The following TRAF3IP2 variants were observed in gnomAD, a reference collection of about 807,000 sequenced individuals.
TRAF3IP2 encodes E3 ubiquitin ligase TRAF3IP2.
Under a neutral mutation model 57.9 loss-of-function variants are expected in TRAF3IP2, and 35 were observed. That is an observed-to-expected ratio of 0.60 (90% CI 0.46 to 0.80). TRAF3IP2 has a LOEUF of 0.80. TRAF3IP2 is among the 30% of genes least tolerant of loss of function. The probability of loss-of-function intolerance (pLI) is 0.00; values close to 1 mark genes in which losing one functional copy is unlikely to be tolerated. For missense variants in TRAF3IP2, 556 were observed against 706.4 expected (o/e 0.79, Z 2.41); for synonymous variants, 251 against 268.9 (o/e 0.93, Z 0.65).
intron 2 of TRAF3IP2, among the ~76,000 whole-genome samples, chr6:111,587,638 C>T (rs1248594940): frequency 6.8e-6 from 1 of 146,486 alleles, no homozygotes; most frequent in African/African-American, 2.5e-5. Flanking sequence ...TGCTCCCCTC[C>T]CCACCAAGAT....
intron 7 of TRAF3IP2, among the ~76,000 whole-genome samples, chr6:111,563,837 C>T (rs1215825228): frequency 1.3e-5 from 2 of 152,164 alleles, no homozygotes; most frequent in Admixed American, 1.3e-4. Context: ...AGGTTCCTCA[C>T]ACCAGTTCCA....
At chr6:111,604,137 CA>C (rs950343655) in intron 1 of TRAF3IP2, among the ~76,000 whole-genome samples, 1 of 152,150 alleles carries the variant, frequency 6.6e-6, no homozygotes, top group African/African-American at 2.4e-5. Flanking sequence ...CCACAGAAAC[CA>C]AAAGTCCTGC....
chr6:111,605,581 A>C (rs1796995169), intron 1 of TRAF3IP2, among the ~76,000 whole-genome samples, 195 bp downstream of exon 1: 1 of 152,192 alleles, frequency 6.6e-6, no homozygotes, highest in Non-Finnish European at 1.5e-5. Context: ...TACTAGCAAC[A>C]CATCCTTGCA....
chr6:111,580,322 C>A lies in TRAF3IP2; in HGVS notation c.897G>T (p.Leu299=). 2 of 1,606,928 alleles carry A rather than the reference C, an allele frequency of 1.2e-6. No individual in the cohort carries two copies. Among genetic ancestry groups the A allele is most frequent in the Non-Finnish European group, 1.7e-6 (2 of 1,177,934 alleles). Residue 299 remains leucine, a synonymous_variant, in exon 3 of 9, where the codon CTG becomes CTT. Coordinates refer to ENST00000368761, the MANE Select transcript of TRAF3IP2 (RefSeq NM_147686.4). ...GCAGGCCTCTCACACTGGCTCCAGG[C>A]AGGGGCTGCCCAGGCAGAGCCGGCT... is the stretch of plus-strand genomic sequence containing the variant. The part of the protein sequence containing the change: ...VIQPALPGQP[L]PGASVRGLHP...
At position 111,559,401 on chromosome 6, in the gene TRAF3IP2, G is replaced by C; in HGVS notation, c.*4C>G. ...TGGCCTCAGTGATCTGGGGATGAAC[G>C]GTGTCACAAGGGAACCACCTGAAGG... is the stretch of plus-strand genomic sequence containing the variant. On this transcript the variant is annotated 3_prime_UTR_variant, in exon 9 of 9. Coordinates refer to ENST00000368761, the MANE Select transcript of TRAF3IP2 (RefSeq NM_147686.4). The C allele has an allele frequency of 6.2e-7, 1 of 1,612,754 alleles. No individual in the cohort carries two copies. The highest frequency in any genetic ancestry group is 2.2e-5 in the East Asian group (1 of 44,888).
chr6:111,572,272 A>G (rs1795854936), intron 5 of TRAF3IP2, among the ~76,000 whole-genome samples: 1 of 152,048 alleles, frequency 6.6e-6, no homozygotes, highest in Non-Finnish European at 1.5e-5. Context: ...GTTTCCTGAG[A>G]TTTCTGGAGC....
intron 1 of TRAF3IP2, among the ~76,000 whole-genome samples, chr6:111,596,718 T>A (rs925241612): frequency 6.6e-5 from 10 of 152,292 alleles, no homozygotes; most frequent in African/African-American, 2.4e-4. Flanking sequence ...CCTCCCAAAG[T>A]GCTGGGATTA....
At chr6:111,602,283 G>GAA (rs1013383455) in intron 1 of TRAF3IP2, 7 of 151,674 alleles carry the variant, frequency 4.6e-5, no homozygotes, top group Admixed American at 1.3e-4. Flanking sequence ...AACATTTAGA[G>GAA]AACAACCTCA....
intron 4 of TRAF3IP2, chr6:111,573,930 G>C (rs1166348835): frequency 6.6e-6 from 1 of 152,180 alleles, no homozygotes; most frequent in Non-Finnish European, 1.5e-5. Context: ...CTCCCAAATG[G>C]AAGTGTGTAT....
intron 2 of TRAF3IP2, among the ~76,000 whole-genome samples, chr6:111,589,276 CT>C (rs1796433517): frequency 1.3e-5 from 2 of 152,046 alleles, no homozygotes; most frequent in Admixed American, 1.3e-4. Flanking sequence ...GTTGGCCAGG[CT>C]AGTCTCAAAC....
At chr6:111,585,891 A>G (rs1307585635) in intron 2 of TRAF3IP2, among the ~76,000 whole-genome samples, 1 of 152,244 alleles carries the variant, frequency 6.6e-6, no homozygotes, top group Non-Finnish European at 1.5e-5. Flanking sequence ...TGGCCTGAGT[A>G]CACACGATCT....
At chr6:111,571,370 G>A (rs1376399421) in intron 5 of TRAF3IP2, among the ~76,000 whole-genome samples, 12 of 152,000 alleles carry the variant, frequency 7.9e-5, no homozygotes, top group Non-Finnish European at 1.3e-4. Context: ...GAGCCACTGC[G>A]CCTGGCCATA....
intron 6 of TRAF3IP2, 104 bp from the exon 7 acceptor site, chr6:111,566,664 A>C (rs1400665692): frequency 1.0e-6 from 1 of 995,628 alleles, no homozygotes; most frequent in South Asian, 1.3e-5. Flanking sequence ...CTCCATAGAA[A>C]GAGAAGCACT....
intron 1 of TRAF3IP2, among the ~76,000 whole-genome samples, chr6:111,603,083 T>TGC (rs1383986081): frequency 1.9e-5 from 2 of 103,830 alleles, no homozygotes; most frequent in African/African-American, 6.7e-5. Flanking sequence ...ACACAAGGTG[T>TGC]GCACACACAC....
intron 5 of TRAF3IP2, among the ~76,000 whole-genome samples, chr6:111,571,979 A>G (rs1011940858): frequency 5.9e-5 from 9 of 152,150 alleles, no homozygotes; most frequent in African/African-American, 1.9e-4. Flanking sequence ...CTGTTAAACA[A>G]TACTAAATAA....
At chr6:111,567,409 G>T in intron 6 of TRAF3IP2, 1 of 1,304,040 alleles carries the variant, frequency 7.7e-7, no homozygotes, top group Non-Finnish European at 9.7e-7. Flanking sequence ...ACCTGTGTCT[G>T]GTTTGACCGT....
In TRAF3IP2 at chr6:111,591,916, G is replaced by A. The variant is rs144366791; in HGVS notation, c.171C>T (p.Ser57=). The A allele has an allele frequency of 3.4e-5, 55 of 1,614,116 alleles. No individual in the cohort carries two copies. The highest frequency in any genetic ancestry group is 8.3e-5 in the Admixed American group (5 of 60,010). ...TTGAGTGAGCTTGAGAAAAGTCTCCGGAGGAATTGTGAAGCATTGTGGGTG... is the reference window on the plus strand; with the variant it reads ...TTGAGTGAGCTTGAGAAAAGTCTCCAGAGGAATTGTGAAGCATTGTGGGTG... ...LSAPTMLHNS[S]GDFSQAHSTL... Residue 57 remains serine, a synonymous_variant, in exon 2 of 9, where the codon TCC becomes TCT. Coordinates refer to ENST00000368761, the MANE Select transcript of TRAF3IP2 (RefSeq NM_147686.4). The surrounding 1 kb of genome is among the most constrained non-coding windows in gnomAD (Gnocchi z 4.9).
At chr6:111,590,003 T>C (rs1291499805) in intron 2 of TRAF3IP2, among the ~76,000 whole-genome samples, 3 of 152,212 alleles carry the variant, frequency 2.0e-5, no homozygotes, top group African/African-American at 7.2e-5. Flanking sequence ...ATATCAGGCC[T>C]CACAGCCCTG....
At chr6:111,600,275 TG>T (rs1796826034) in intron 1 of TRAF3IP2, 1 of 152,244 alleles carries the variant, frequency 6.6e-6, no homozygotes, top group Non-Finnish European at 1.5e-5. Context: ...TACTATTCTA[TG>T]AAGCTAATGT....
Sources: allele counts gnomAD v4.1 joint callset (sites outside exome capture counted in the v4.1 genomes callset), GRCh38; gene constraint gnomAD v4.1.1; non-coding constraint Gnocchi (gnomAD v3.1); transcripts MANE v1.5; gene names NCBI Gene and HGNC (gene_info 2026-07-23, HGNC 2026-07-21).